DZANK1: variants seen among roughly 807,000 people sequenced by gnomAD.
The protein encoded by DZANK1 is double zinc ribbon and ankyrin repeat domains 1, also known as double zinc ribbon and ankyrin repeat-containing protein 1.
In DZANK1, 91 loss-of-function variants were observed where a neutral mutation model predicts 94.5. That is an observed-to-expected ratio of 0.96 (90% confidence interval 0.81 to 1.15). DZANK1 has a LOEUF of 1.15. Ranked by LOEUF, DZANK1 falls within the 50% of genes most tolerant of loss-of-function variation. The pLI is 0.00. For missense variants in DZANK1, 903 were observed against 916.4 expected (o/e 0.99, Z 0.19); for synonymous variants, 312 against 325.3 (o/e 0.96, Z 0.44).
intron 9 of DZANK1, chr20:18,432,780 G>A (rs1012459959): frequency 9.2e-5 from 14 of 152,012 alleles, no homozygotes; most frequent in Admixed American, 4.6e-4. Flanking sequence ...ACCTTTACTT[G>A]GGATTAAAGA....
chr20:18,454,639 T>G (rs2059219795), intron 4 of DZANK1: 1 of 154,838 alleles, frequency 6.5e-6, no homozygotes, highest in South Asian at 2.0e-4. Flanking sequence ...GAATAAAGAT[T>G]TCAACATAAA....
exon 21 of DZANK1, chr20:18,384,392 C>G (rs754649722): frequency 4.1e-5 from 66 of 1,607,022 alleles, no homozygotes; most frequent in Non-Finnish European, 5.4e-5. Context: ...CCGTGGAGGC[C>G]TCAGGGCTAA....
chr20:18,461,203 A>C (rs1956218941), intron 2 of DZANK1, among the ~76,000 whole-genome samples: 2 of 152,210 alleles, frequency 1.3e-5, no homozygotes, highest in African/African-American at 4.8e-5. Context: ...ATATCCATAC[A>C]AGCATCTATG....
intron 14 of DZANK1, chr20:18,398,281 A>G (rs2056467636): frequency 6.1e-6 from 3 of 494,178 alleles, no homozygotes; most frequent in South Asian, 2.7e-5. Flanking sequence ...ACATCTGAGC[A>G]TGAGATGTTC....
intron 9 of DZANK1, among the ~76,000 whole-genome samples, chr20:18,429,441 A>T (rs1021812919): frequency 1.3e-5 from 2 of 152,204 alleles, no homozygotes; most frequent in South Asian, 2.1e-4. Flanking sequence ...CTTTATTTTT[A>T]GAGCAGTTTA....
intron 6 of DZANK1, among the ~76,000 whole-genome samples, chr20:18,451,048 C>A (rs569996940): frequency 6.6e-6 from 1 of 152,150 alleles, no homozygotes; most frequent in Non-Finnish European, 1.5e-5. Context: ...CCAGTTCAAG[C>A]GATTCTTCTG....
chr20:18,446,753 C>A (rs1222535255), intron 7 of DZANK1, among the ~76,000 whole-genome samples: 2 of 152,100 alleles, frequency 1.3e-5, no homozygotes, highest in Admixed American at 6.6e-5. Context: ...TGAATTTCTA[C>A]CAAATATGTA....
chr20:18,462,093 T>C (rs2059492293), intron 2 of DZANK1, among the ~76,000 whole-genome samples: 1 of 152,162 alleles, frequency 6.6e-6, no homozygotes, highest in Admixed American at 6.5e-5. Flanking sequence ...CAATTCATCT[T>C]TCTTGCATTT....
chr20:18,394,215 G>C, intron 16 of DZANK1, 39 bp downstream of exon 16: 1 of 1,565,552 alleles, frequency 6.4e-7, no homozygotes, highest in South Asian at 1.1e-5. Flanking sequence ...ATGTGTTCCT[G>C]GTCAGTTGTT....
chr20:18,444,202 T>C (rs1339474009), intron 7 of DZANK1, among the ~76,000 whole-genome samples: 1 of 152,206 alleles, frequency 6.6e-6, no homozygotes, highest in Non-Finnish European at 1.5e-5. Flanking sequence ...CACACTAGTC[T>C]CCACGTTGGA....
intron 9 of DZANK1, 95 bp downstream of exon 9, chr20:18,433,555 AAT>A: frequency 1.7e-6 from 2 of 1,172,222 alleles, no homozygotes; most frequent in Non-Finnish European, 2.4e-6. Flanking sequence ...AAAAAAAAAA[AAT>A]TGTTACCCCA....
At chr20:18,398,234 G>T in intron 14 of DZANK1, 1 of 401,496 alleles carries the variant, frequency 2.5e-6, no homozygotes, top group Non-Finnish European at 4.7e-6. Context: ...AAATTGTTCT[G>T]GGACCTTTCA....
chr20:18,384,131 C>A, exon 21 of DZANK1: 2 of 248,838 alleles, frequency 8.0e-6, no homozygotes, highest in Non-Finnish European at 1.5e-5. Flanking sequence ...GCGATCTTGG[C>A]TCACTGTAAC....
At chr20:18,418,666 A>G (rs8116183) in intron 10 of DZANK1, among the ~76,000 whole-genome samples, 11,062 of 152,242 alleles carry the variant, frequency 0.073, 843 homozygotes, top group African/African-American at 0.2. Flanking sequence ...TGCCTGGAAC[A>G]AACTATAACT....
intron 17 of DZANK1, among the ~76,000 whole-genome samples, chr20:18,392,952 G>A (rs1040474565): frequency 2.6e-5 from 4 of 152,346 alleles, no homozygotes; most frequent in Middle Eastern, 3.4e-3. Flanking sequence ...TAAGGGCTCC[G>A]TGGTGAATAG....
Position 18,436,831 on chromosome 20 carries a change from G to GA in DZANK1, c.748-3067dup, listed in dbSNP as rs199962493. Among the ~76,000 whole-genome samples the GA allele has an allele frequency of 5.0e-3, 754 of 152,214 alleles. 6 individuals carry two copies. Among genetic ancestry groups the GA allele is most frequent in the South Asian group, 0.044 (214 of 4,820 alleles). ...AGAGAAAATACTGAAAGTAGCAAGA[G>GA]AAAAAACCACGCATCAAAAACAATG... On this transcript the variant is annotated intron_variant, in intron 8 of 20. Coordinates refer to ENST00000262547, the Ensembl canonical transcript of DZANK1.
At chr20:18,443,364 G>T (rs1195937696) in exon 8 of DZANK1, 2 of 1,549,934 alleles carry the variant, frequency 1.3e-6, no homozygotes, top group Non-Finnish European at 1.7e-6. Context: ...CCTTCTGGGG[G>T]TGGGAGACGA....
rs573289225 is a variant in DZANK1 at position 18,422,120 on chromosome 20, C to A, written c.954+4947G>T. Among the ~76,000 whole-genome samples the A allele has an allele frequency of 3.3e-5, 5 of 152,054 alleles. No homozygotes were observed. In the South Asian group the frequency reaches 8.3e-4, roughly 25 times the overall value. On this transcript the variant is annotated intron_variant, in intron 10 of 20. Coordinates refer to ENST00000262547, the Ensembl canonical transcript of DZANK1. ...GTTGCCGGTGCTTTGGGGGTCATAT[C>A]CGAAAAAAATCATTGCCCAGACTAA...
chr20:18,436,030 T>C (rs1351678096), intron 8 of DZANK1, among the ~76,000 whole-genome samples: 4 of 151,562 alleles, frequency 2.6e-5, no homozygotes, highest in African/African-American at 9.7e-5. Context: ...AAAAATAAAG[T>C]GACCTACACT....
Sources: gnomAD v4.1 joint callset for allele counts (sites outside exome capture counted in the v4.1 genomes callset) on GRCh38, gnomAD v4.1.1 for gene constraint, MANE v1.5 for transcripts, NCBI Gene and HGNC (gene_info 2026-07-23, HGNC 2026-07-21) for gene names.